GABBR1: variants seen among roughly 807,000 people sequenced by gnomAD.
The protein encoded by GABBR1 is GABA-B receptor, R1 subunit.
Under a neutral mutation model 117.7 loss-of-function variants are expected in GABBR1, and 35 were observed. The ratio of observed to expected loss-of-function variants is 0.30; its 90% CI spans 0.23 to 0.39. GABBR1 has a LOEUF of 0.39. GABBR1 is among the 10% of genes least tolerant of loss of function. The pLI, the probability that GABBR1 is intolerant of heterozygous loss-of-function variation, is 1.00. For synonymous variants in GABBR1, 442 were observed against 486.6 expected (o/e 0.91, Z 1.21); for missense variants, 709 against 1,241.8 (o/e 0.57, Z 6.45).
rs1291148201 is a variant in GABBR1 at position 29,604,096 on chromosome 6, A to C, written c.2713-380T>G. 6.6e-6 allele frequency among the ~76,000 whole-genome samples: 1 copy of C among 152,032 alleles called. No individual in the cohort carries two copies. The highest frequency in any genetic ancestry group is 1.5e-5 in the Non-Finnish European group (1 of 67,990). On this transcript the variant is annotated intron_variant, in intron 22 of 22. Transcript: ENST00000377034. The surrounding 1 kb of genome is among the most constrained non-coding windows in gnomAD (Gnocchi z 5.3). ...CCTAATGACAGCCTGGGGCACAGTGAACGCCTGCCCAGGTCCTTTATGCTG... is the reference window on the plus strand; with the variant it reads ...CCTAATGACAGCCTGGGGCACAGTGCACGCCTGCCCAGGTCCTTTATGCTG...
chr6:29,605,019 A>G lies in GABBR1; in HGVS notation c.2440-31T>C. 1 of 1,580,078 alleles carries G rather than the reference A, an allele frequency of 6.3e-7. No individual in the cohort carries two copies. The highest frequency in any genetic ancestry group is 8.6e-7 in the Non-Finnish European group (1 of 1,162,982). On this transcript the variant is annotated intron_variant, in intron 20 of 22. Transcript: ENST00000377034. This position sits in a 1 kb window ranked among gnomAD's most constrained non-coding sequence, Gnocchi z 4.2. ...GGGAAAGACACATTGAGGGAGTCTCAGGTCTGCAGGCTCAGACAAGATCCA... is the reference window on the plus strand; with the variant it reads ...GGGAAAGACACATTGAGGGAGTCTCGGGTCTGCAGGCTCAGACAAGATCCA...
chr6:29,602,553 A>G lies in GABBR1; in HGVS notation c.*990T>C, dbSNP rs142659874. ...GGGGGGAATCTGAGCAGAAATGGAG[A>G]TTCTGTGACAAGGAGAGGGTGTGGA... On this transcript the variant is annotated 3_prime_UTR_variant, in exon 23 of 23. Coordinates refer to ENST00000377034, the MANE Select transcript of GABBR1 (RefSeq NM_001470.4). 8.2e-4 allele frequency: 143 copies of G among 174,644 alleles called. 1 individual carries two copies. The highest frequency in any genetic ancestry group is 3.3e-3 in the African/African-American group (137 of 41,994). The allele number at this position is 174,644 out of a possible 1,614,324, so 10.8% of individuals were successfully genotyped here.
Position 29,602,897 on chromosome 6 carries a change from C to A in GABBR1, c.*646G>T. ...ACATGAAGAAAGCATACGGGAAAAG[C>A]GTGTGTACACATGAGCATGTTCAGT... On this transcript the variant is annotated 3_prime_UTR_variant, in exon 23 of 23. Transcript: ENST00000377034. 5.0e-6 allele frequency: 2 copies of A among 403,690 alleles called. No homozygotes were observed. Among genetic ancestry groups the A allele is most frequent in the Non-Finnish European group, 9.8e-6 (2 of 204,100 alleles). The allele number at this position is 403,690 out of a possible 1,614,324, so 25.0% of individuals were successfully genotyped here.
Position 29,604,526 on chromosome 6 carries a change from C to T in GABBR1, c.2680G>A (p.Glu894Lys). Residue 894 changes from glutamate (E) to lysine (K), a missense_variant, in exon 22 of 23, where the codon GAG becomes AAG. This residue lies in a region of GABBR1 where 251 missense variants were observed against 445.3 expected (regional missense o/e 0.56). Transcript: ENST00000377034. The surrounding 1 kb of genome is among the most constrained non-coding windows in gnomAD (Gnocchi z 5.3). ...EEEKSRLLEKENRELEKIIAE... is the reference protein window; with the variant it reads ...EEEKSRLLEKKNRELEKIIAE... ...ATGATCTTTTCCAGTTCACGGTTCT[C>T]CTTCTCCAACAGCCGGGACTTCTCC... 1 of 1,613,300 alleles carries T rather than the reference C, an allele frequency of 6.2e-7. No homozygotes were observed. The highest frequency in any genetic ancestry group is 8.5e-7 in the Non-Finnish European group (1 of 1,180,040).
Position 29,604,852 on chromosome 6 carries a change from A to T in GABBR1, c.2568+8T>A. ...ACAAAGAGGGTGGGAGAAAAGCCAG[A>T]TCCTTACCTTGGGCACAAAGAGCAC... is the stretch of plus-strand genomic sequence containing the variant. On this transcript the variant is annotated splice_region_variant and intron_variant, in intron 21 of 22. Transcript: ENST00000377034. The surrounding 1 kb of genome is among the most constrained non-coding windows in gnomAD (Gnocchi z 5.3). The T allele has an allele frequency of 6.2e-7, 1 of 1,611,244 alleles. No homozygotes were observed.
rs768693547 is a variant in GABBR1 at position 29,607,245 on chromosome 6, G to A, written c.1993-27C>T. On this transcript the variant is annotated intron_variant, in intron 16 of 22. Coordinates refer to ENST00000377034, the MANE Select transcript of GABBR1 (RefSeq NM_001470.4). This position sits in a 1 kb window ranked among gnomAD's most constrained non-coding sequence, Gnocchi z 5.0. ...TAGAAAGGAAGAGAGGGCACAGGCA[G>A]AACAGGGTAGAGTAGTAGCCGGGAC... 1.1e-5 allele frequency: 18 copies of A among 1,572,602 alleles called. No individual in the cohort carries two copies. In the Admixed American group the frequency reaches 1.3e-4, roughly 12 times the overall value.
rs2127382938 is a variant in GABBR1 at position 29,602,766 on chromosome 6, G to C, written c.*777C>G. On this transcript the variant is annotated 3_prime_UTR_variant, in exon 23 of 23. Transcript: ENST00000377034. ...AGGAAAGACATGACTCAGCATGCTAGACAAATTGCACATGCCTACCCAAAC... is the reference window on the plus strand; with the variant it reads ...AGGAAAGACATGACTCAGCATGCTACACAAATTGCACATGCCTACCCAAAC... 1 of 347,590 alleles carries C rather than the reference G, an allele frequency of 2.9e-6. No homozygotes were observed. The highest frequency in any genetic ancestry group is 2.2e-5 in the South Asian group (1 of 45,158). 21.5% of individuals were successfully genotyped at this position (347,590 alleles called of 1,614,324 possible).
chr6:29,623,040 C>T lies in GABBR1; in HGVS notation c.963+265G>A, dbSNP rs1763919963. Among the ~76,000 whole-genome samples the T allele has an allele frequency of 6.6e-6, 1 of 151,962 alleles. No homozygotes were observed. The highest frequency in any genetic ancestry group is 2.1e-4 in the South Asian group (1 of 4,820). ...TTGGATTGAACCTACTTTAACAGAA[C>T]TGAGTCATTCTGGGTCTATATGTCT... On this transcript the variant is annotated intron_variant, in intron 8 of 22. Coordinates refer to ENST00000377034, the MANE Select transcript of GABBR1 (RefSeq NM_001470.4). The surrounding 1 kb of genome is among the most constrained non-coding windows in gnomAD (Gnocchi z 6.2).
In GABBR1 at chr6:29,627,565, T is replaced by G. The variant is rs1764419100; in HGVS notation, c.578A>C (p.Glu193Ala). 6.3e-7 allele frequency: 1 copy of G among 1,587,804 alleles called. No individual in the cohort carries two copies. The highest frequency in any genetic ancestry group is 1.1e-5 in the South Asian group (1 of 87,824). Reference protein sequence around the residue: ...PGGQACQPAVEMALEDVNSRR... With the variant: ...PGGQACQPAVAMALEDVNSRR... ...GCTATTCACGTCCTCCAGCGCCATCTCCACCGCGGGCTGGCAGGCCTGGCC... is the reference window on the plus strand; with the variant it reads ...GCTATTCACGTCCTCCAGCGCCATCGCCACCGCGGGCTGGCAGGCCTGGCC... The change falls in exon 6 of 23, where the codon GAG becomes GCG. Residue 193 changes from glutamate (E) to alanine (A), a missense_variant. By Grantham distance (107) the Glu-to-Ala change is moderately radical. Coordinates refer to ENST00000377034, the MANE Select transcript of GABBR1 (RefSeq NM_001470.4). The surrounding 1 kb of genome is among the most constrained non-coding windows in gnomAD (Gnocchi z 4.4).
Position 29,621,067 on chromosome 6 carries a change from C to T in GABBR1, c.1323+34G>A. 6.3e-7 allele frequency: 1 copy of T among 1,590,932 alleles called. No homozygotes were observed. The highest frequency in any genetic ancestry group is 8.6e-7 in the Non-Finnish European group (1 of 1,167,402). ...GGCCCCCTCAGTCCTCTCCACCCTCCCAGGTGCCAGACTGCAAGTCCCCAC... is the reference window on the plus strand; with the variant it reads ...GGCCCCCTCAGTCCTCTCCACCCTCTCAGGTGCCAGACTGCAAGTCCCCAC... On this transcript the variant is annotated intron_variant, in intron 11 of 22. Transcript: ENST00000377034. The surrounding 1 kb of genome is among the most constrained non-coding windows in gnomAD (Gnocchi z 5.0).
chr6:29,622,194 G>A lies in GABBR1; in HGVS notation c.975C>T (p.Asp325=), dbSNP rs748118476. 1.9e-6 allele frequency: 3 copies of A among 1,613,656 alleles called. No homozygotes were observed. The South Asian group carries it at 3.3e-5, about 18-fold the overall frequency. ...TTEVFTSTLD[D]LEERVKEAGI... is the part of the protein sequence containing the mutation. ...CAGCCTCCTTCACTCGTTCCTCCAG[G>A]TCGTCCAGAGTCTTGGGTGGGAATA... is the stretch of plus-strand genomic sequence containing the variant. Residue 325 remains aspartate, a synonymous_variant, in exon 9 of 23, where the codon GAC becomes GAT. Coordinates refer to ENST00000377034, the MANE Select transcript of GABBR1 (RefSeq NM_001470.4). The surrounding 1 kb of genome is among the most constrained non-coding windows in gnomAD (Gnocchi z 4.6).
At position 29,603,152 on chromosome 6, in the gene GABBR1, C is replaced by A. The variant is rs1201669958; in HGVS notation, c.*391G>T. 4.2e-6 allele frequency: 2 copies of A among 474,106 alleles called. No individual in the cohort carries two copies. Among genetic ancestry groups the A allele is most frequent in the Non-Finnish European group, 8.4e-6 (2 of 238,192 alleles). The allele number at this position is 474,106 out of a possible 1,614,324, so 29.4% of individuals were successfully genotyped here. ...GGAAAGAGCACTTGTTGGGAGACCC[C>A]TGCTGGACAGGAACAGAGCACAAAG... On this transcript the variant is annotated 3_prime_UTR_variant, in exon 23 of 23. Coordinates refer to ENST00000377034, the MANE Select transcript of GABBR1 (RefSeq NM_001470.4).
rs933145237 is a variant in GABBR1, at chr6:29,613,007, G to T, written c.1566+236C>A. On this transcript the variant is annotated intron_variant, in intron 12 of 22. Coordinates refer to ENST00000377034, the MANE Select transcript of GABBR1 (RefSeq NM_001470.4). The surrounding 1 kb of genome is among the most constrained non-coding windows in gnomAD (Gnocchi z 4.1). ...GTTCTCATCTGACTCATGAATACTT[G>T]GTCTAGTTTGAAAAGAAATGAGGGG... Among the ~76,000 whole-genome samples, 3 of 152,076 alleles carry T rather than the reference G, an allele frequency of 2.0e-5. No homozygotes were observed. The highest frequency in any genetic ancestry group is 4.4e-5 in the Non-Finnish European group (3 of 68,020).
Position 29,603,221 on chromosome 6 carries a change from T to C in GABBR1, c.*322A>G, listed in dbSNP as rs1179873771. 2 of 550,874 alleles carry C rather than the reference T, an allele frequency of 3.6e-6. No homozygotes were observed. The highest frequency in any genetic ancestry group is 3.7e-5 in the African/African-American group (2 of 53,380). The allele number at this position is 550,874 out of a possible 1,614,324, so 34.1% of individuals were successfully genotyped here. ...TTGCCGTGGTAACTAGAAGAGGGTG[T>C]TGCATGGGAAGAGAAAGATGCAGTG... On this transcript the variant is annotated 3_prime_UTR_variant, in exon 23 of 23. Transcript: ENST00000377034.
chr6:29,628,637 C>T (rs553715704), intron 5 of GABBR1, among the ~76,000 whole-genome samples: 10 of 150,762 alleles, frequency 6.6e-5, no homozygotes, highest in African/African-American at 2.4e-4. Context: ...TGGGGAAGAG[C>T]GCGAGAGGCC....
rs1383149260 is a variant in GABBR1 at position 29,604,658 on chromosome 6, G to A, written c.2569-21C>T. The A allele has an allele frequency of 2.8e-5, 45 of 1,613,062 alleles. No individual in the cohort carries two copies. Among genetic ancestry groups the A allele is most frequent in the East Asian group, 6.7e-5 (3 of 44,896 alleles). On this transcript the variant is annotated intron_variant, in intron 21 of 22. Transcript: ENST00000377034. This position sits in a 1 kb window ranked among gnomAD's most constrained non-coding sequence, Gnocchi z 5.3. ...CGCATCTGGGGGCAAATGTTTGGGCGTGGGGTGGCCCAGCAAGGACTGTAC... is the reference window on the plus strand; with the variant it reads ...CGCATCTGGGGGCAAATGTTTGGGCATGGGGTGGCCCAGCAAGGACTGTAC...
intron 11 of GABBR1, among the ~76,000 whole-genome samples, chr6:29,619,906 T>A (rs959365904): frequency 3.9e-5 from 6 of 152,214 alleles, no homozygotes; most frequent in Non-Finnish European, 8.8e-5. Flanking sequence ...CCCAAAACAG[T>A]GTGTATCATC....
intron 14 of GABBR1, 133 bp downstream of exon 14, chr6:29,610,791 C>T (rs1762460198): frequency 2.8e-6 from 2 of 727,240 alleles, no homozygotes; most frequent in South Asian, 3.4e-5. Context: ...CTCACTTAAC[C>T]CTTTCTCCTG....
At position 29,609,369 on chromosome 6, in the gene GABBR1, G is replaced by T. The variant is rs770415598; in HGVS notation, c.1719C>A (p.Pro573=). 6.2e-6 allele frequency: 10 copies of T among 1,612,834 alleles called. No individual in the cohort carries two copies. The highest frequency in any genetic ancestry group is 8.5e-6 in the Non-Finnish European group (10 of 1,179,992). Residue 573 remains proline, a synonymous_variant, in exon 15 of 23, where the codon CCC becomes CCA. Coordinates refer to ENST00000377034, the MANE Select transcript of GABBR1 (RefSeq NM_001470.4). The surrounding 1 kb of genome is among the most constrained non-coding windows in gnomAD (Gnocchi z 4.3). ...TGATGACCAGGGTCTGGTCAGCTGG[G>T]GGGGACCCTCCTGCATGGCACAGGG... The part of the protein sequence containing the change: ...SKTDKWIGGS[P]PADQTLVIKT...
Sources: allele counts gnomAD v4.1 joint callset (sites outside exome capture counted in the v4.1 genomes callset), GRCh38; gene constraint gnomAD v4.1.1; regional missense constraint gnomAD v4.1.1; non-coding constraint Gnocchi (gnomAD v3.1); transcripts MANE v1.5; gene names NCBI Gene and HGNC (gene_info 2026-07-23, HGNC 2026-07-21).